Variants in VAV2 observed in about 807,000 individuals in gnomAD.
VAV2 encodes vav guanine nucleotide exchange factor 2.
In VAV2, 67 loss-of-function variants were observed where a neutral mutation model predicts 132.5. The ratio of observed to expected loss-of-function variants is 0.51; its 90% CI spans 0.42 to 0.62. The LOEUF (loss-of-function observed/expected upper bound fraction) is 0.62, where lower values mean the gene tolerates loss of function less well. VAV2 is among the 20% of genes least tolerant of loss of function. The pLI, the probability that VAV2 is intolerant of heterozygous loss-of-function variation, is 0.00. For synonymous variants in VAV2, 492 were observed against 443.5 expected (o/e 1.11, Z -1.37); for missense variants, 938 against 1,153.6 (o/e 0.81, Z 2.71).
In VAV2 at chr9:133,978,340, T is replaced by A. The variant is rs141186945; in HGVS notation, c.204+13735A>T. ...GCAGCCAACACAGCATTTTTTAAAG[T>A]CCTTAACAACAGAAGACAGGCAGGC... On this transcript the variant is annotated intron_variant, in intron 1 of 29. Transcript: ENST00000371850. Among the ~76,000 whole-genome samples, 489 of 152,210 alleles carry A rather than the reference T, an allele frequency of 3.2e-3. 3 individuals are homozygous for A. Among genetic ancestry groups the A allele is most frequent in the African/African-American group, 0.011 (463 of 41,512 alleles).
intron 1 of VAV2, among the ~76,000 whole-genome samples, chr9:133,985,268 G>C (rs894276483): frequency 4.6e-4 from 62 of 135,938 alleles, no homozygotes; most frequent in Non-Finnish European, 8.3e-4. Flanking sequence ...GTGTGTGTGT[G>C]TGTGTGTTTT....
intron 4 of VAV2, among the ~76,000 whole-genome samples, chr9:133,831,852 T>C (rs112385195): frequency 0.01 from 1,560 of 152,294 alleles, 20 homozygotes; most frequent in African/African-American, 0.035. Context: ...TAGGGTTAAA[T>C]CATGGCTCTG....
In VAV2 at chr9:133,884,652, T is replaced by G. The variant is rs1838629470; in HGVS notation, c.322-23220A>C. ...TTTCTATATGCATAAGATGCTTCAA[T>G]AAGAAGCTTGCTAAAAAGAAAAACA... On this transcript the variant is annotated intron_variant, in intron 2 of 29. Coordinates refer to ENST00000371850, the MANE Select transcript of VAV2 (RefSeq NM_001134398.2). The surrounding 1 kb of genome is among the most constrained non-coding windows in gnomAD (Gnocchi z 5.3). 6.6e-6 allele frequency among the ~76,000 whole-genome samples: 1 copy of G among 151,978 alleles called. No individual in the cohort carries two copies. Among genetic ancestry groups the G allele is most frequent in the Non-Finnish European group, 1.5e-5 (1 of 67,988 alleles).
intron 2 of VAV2, among the ~76,000 whole-genome samples, chr9:133,937,899 T>C (rs940920716): frequency 6.6e-6 from 1 of 152,190 alleles, no homozygotes; most frequent in East Asian, 1.9e-4. Flanking sequence ...TACACAGAGA[T>C]GGGCTCATGA....
At position 133,879,722 on chromosome 9, in the gene VAV2, G is replaced by A. The variant is rs75183621; in HGVS notation, c.322-18290C>T. 2.0e-3 allele frequency among the ~76,000 whole-genome samples: 299 copies of A among 152,154 alleles called. 1 individual carries two copies. The highest frequency in any genetic ancestry group is 6.8e-3 in the African/African-American group (284 of 41,492). On this transcript the variant is annotated intron_variant, in intron 2 of 29. Coordinates refer to ENST00000371850, the MANE Select transcript of VAV2 (RefSeq NM_001134398.2). The surrounding 1 kb of genome is among the most constrained non-coding windows in gnomAD (Gnocchi z 4.4). Reference sequence around the variant, plus strand: ...CTCCCTTCCAAAGCAGAACCTATCCGAGAATCCCTACCGCCTTGCGAGCTG... The same window carrying A: ...CTCCCTTCCAAAGCAGAACCTATCCAAGAATCCCTACCGCCTTGCGAGCTG...
intron 2 of VAV2, among the ~76,000 whole-genome samples, chr9:133,903,343 C>T (rs1839517840): frequency 6.6e-6 from 1 of 152,168 alleles, no homozygotes; most frequent in Non-Finnish European, 1.5e-5. Flanking sequence ...CTCTACCCCA[C>T]GCTGGGTGGT....
intron 4 of VAV2, among the ~76,000 whole-genome samples, chr9:133,821,145 C>T (rs1835771577): frequency 6.6e-6 from 1 of 152,254 alleles, no homozygotes; most frequent in African/African-American, 2.4e-5. Flanking sequence ...GTGTCACACA[C>T]TGATCCTTTT....
intron 3 of VAV2, among the ~76,000 whole-genome samples, chr9:133,839,474 G>A (rs1469182701): frequency 4.8e-5 from 7 of 147,202 alleles, no homozygotes; most frequent in South Asian, 4.3e-4. Context: ...TTTTTGAGAC[G>A]GAGTCTCACA....
At chr9:133,967,091 C>T (rs183970175) in intron 1 of VAV2, among the ~76,000 whole-genome samples, 12 of 145,172 alleles carry the variant, frequency 8.3e-5, no homozygotes, top group South Asian at 2.2e-4. Context: ...GATTTTTAAA[C>T]GGGTAAATAA....
intron 2 of VAV2, among the ~76,000 whole-genome samples, chr9:133,862,681 C>T (rs1013267562): frequency 6.6e-6 from 1 of 152,178 alleles, no homozygotes; most frequent in Non-Finnish European, 1.5e-5. Context: ...GTCATAGGAA[C>T]GGAGCCCAGA....
intron 1 of VAV2, among the ~76,000 whole-genome samples, chr9:133,962,203 T>C (rs1588178436): frequency 6.6e-6 from 1 of 152,044 alleles, no homozygotes; most frequent in Admixed American, 6.6e-5. Context: ...GATCTCAAGA[T>C]GAGGCCACCC....
At chr9:133,859,770 T>C (rs1837526056) in intron 3 of VAV2, among the ~76,000 whole-genome samples, 3 of 152,204 alleles carry the variant, frequency 2.0e-5, no homozygotes, top group East Asian at 1.9e-4. Context: ...ATAGTCTTTG[T>C]ATCCAGAAAT....
At chr9:133,977,640 T>C (rs1317554969) in intron 1 of VAV2, among the ~76,000 whole-genome samples, 2 of 152,166 alleles carry the variant, frequency 1.3e-5, no homozygotes, top group African/African-American at 4.8e-5. Context: ...ACCTGGCACC[T>C]CTGGTTCCTG....
At chr9:133,960,697 C>G (rs1841937660) in intron 1 of VAV2, among the ~76,000 whole-genome samples, 1 of 152,244 alleles carries the variant, frequency 6.6e-6, no homozygotes, top group African/African-American at 2.4e-5. Context: ...AGGCCAGGCT[C>G]TTTCCTCCCC....
intron 4 of VAV2, 132 bp from the exon 5 acceptor site, chr9:133,812,348 T>A (rs1438649835): frequency 7.5e-6 from 6 of 799,512 alleles, no homozygotes; most frequent in African/African-American, 6.8e-5. Context: ...CGGGCCTCAG[T>A]CTACAAAGTG....
At position 133,788,286 on chromosome 9, in the gene VAV2, G is replaced by A. The variant is rs201498187; in HGVS notation, c.1407+68C>T. ...TCGAGTCCCCTTCCCCTGGGGTCTG[G>A]AACCCAGTGCCTCTCTCCAGGCCAC... On this transcript the variant is annotated intron_variant, in intron 15 of 29. Transcript: ENST00000371850. The surrounding 1 kb of genome is among the most constrained non-coding windows in gnomAD (Gnocchi z 5.3). 8.3e-5 allele frequency: 129 copies of A among 1,561,408 alleles called. No individual in the cohort carries two copies. Among genetic ancestry groups the A allele is most frequent in the Non-Finnish European group, 1.1e-4 (122 of 1,141,356 alleles).
rs944752439 is a variant in VAV2, at chr9:133,763,571, C to G, written c.*491G>C. The G allele has an allele frequency of 5.9e-6, 1 of 170,130 alleles. No homozygotes were observed. The allele number at this position is 170,130 out of a possible 1,614,324, so 10.5% of individuals were successfully genotyped here. On this transcript the variant is annotated 3_prime_UTR_variant, in exon 30 of 30. Transcript: ENST00000371850. The surrounding 1 kb of genome is among the most constrained non-coding windows in gnomAD (Gnocchi z 6.8). ...AGCCTGGCTCTGGTCCCGTCTGCCT[C>G]CCGAGGTCTGACACCTCCCCCTGGG...
rs574264236 is a variant in VAV2, at chr9:133,862,731, C to A, written c.322-1299G>T. ...CCGGACACCACACCAGGGAACCCCA[C>A]GAGGCCATCCTGCGCTGCACATTTG... On this transcript the variant is annotated intron_variant, in intron 2 of 29. Coordinates refer to ENST00000371850, the MANE Select transcript of VAV2 (RefSeq NM_001134398.2). Among the ~76,000 whole-genome samples, 9 of 152,340 alleles carry A rather than the reference C, an allele frequency of 5.9e-5. No homozygotes were observed. In the South Asian group the frequency reaches 1.9e-3, roughly 32 times the overall value.
At chr9:133,777,210 C>T (rs916480973) in intron 23 of VAV2, among the ~76,000 whole-genome samples, 179 bp downstream of exon 23, 1 of 151,908 alleles carries the variant, frequency 6.6e-6, no homozygotes, top group Non-Finnish European at 1.5e-5. Context: ...GAGCGTGCTG[C>T]CCCACAGCCC....
Sources: allele counts gnomAD v4.1 joint callset (sites outside exome capture counted in the v4.1 genomes callset), GRCh38; gene constraint gnomAD v4.1.1; non-coding constraint Gnocchi (gnomAD v3.1); transcripts MANE v1.5; gene names NCBI Gene and HGNC (gene_info 2026-07-23, HGNC 2026-07-21).